The following TOX variants were observed in gnomAD, a reference collection of about 807,000 sequenced individuals.
TOX encodes the protein thymocyte selection-associated high mobility group box protein TOX.
Under a neutral mutation model 53.7 loss-of-function variants are expected in TOX, and 11 were observed. The observed-to-expected ratio is 0.20, with a 90% confidence interval of 0.13 to 0.34. The LOEUF (loss-of-function observed/expected upper bound fraction) is 0.34, where lower values mean the gene tolerates loss of function less well. Among genes scored for constraint, TOX ranks in the 10% least tolerant of loss-of-function variants. The pLI is 1.00. For missense variants in TOX, 570 were observed against 664.6 expected (o/e 0.86, Z 1.56); for synonymous variants, 225 against 245.3 (o/e 0.92, Z 0.77).
intron 1 of TOX, among the ~76,000 whole-genome samples, chr8:58,964,075 C>A (rs527255031): frequency 6.6e-6 from 1 of 151,796 alleles, no homozygotes; most frequent in East Asian, 1.9e-4. Flanking sequence ...TTAAAGAGAA[C>A]AACAACGACA....
chr8:58,923,679 C>T (rs1381292166), intron 3 of TOX, among the ~76,000 whole-genome samples: 1 of 152,082 alleles, frequency 6.6e-6, no homozygotes, highest in Non-Finnish European at 1.5e-5. Flanking sequence ...GAATACATAC[C>T]TCATTTGTTT....
rs371555518 is a variant in TOX, at chr8:59,067,081, C to T, written c.102+51805G>A. On this transcript the variant is annotated intron_variant, in intron 1 of 8. Transcript: ENST00000361421. Reference sequence around the variant, plus strand: ...AGTTGCAAGCGCCTTTTCTGCAGACCGTCTTGCTGCATCTTAATCCTACTG... The same window carrying T: ...AGTTGCAAGCGCCTTTTCTGCAGACTGTCTTGCTGCATCTTAATCCTACTG... Among the ~76,000 whole-genome samples, 6 of 152,112 alleles carry T rather than the reference C, an allele frequency of 3.9e-5. 1 individual carries two copies. Among genetic ancestry groups the T allele is most frequent in the South Asian group, 4.2e-4 (2 of 4,802 alleles).
At chr8:58,958,484 T>C (rs1297051284) in intron 2 of TOX, among the ~76,000 whole-genome samples, 1 of 152,250 alleles carries the variant, frequency 6.6e-6, no homozygotes, top group Non-Finnish European at 1.5e-5. Flanking sequence ...AAAGAGATGA[T>C]ACCAGGTTGC....
At chr8:59,085,370 TC>T (rs2129423416) in intron 1 of TOX, among the ~76,000 whole-genome samples, 2 of 150,108 alleles carry the variant, frequency 1.3e-5, no homozygotes, top group Admixed American at 1.3e-4. Context: ...CAATCTGAAA[TC>T]ATAATTTTCT....
chr8:58,888,834 T>A (rs1811514477), intron 3 of TOX, among the ~76,000 whole-genome samples: 1 of 152,076 alleles, frequency 6.6e-6, no homozygotes, highest in Admixed American at 6.6e-5. Flanking sequence ...TGCATGTCAT[T>A]GATTTAATAA....
intron 1 of TOX, among the ~76,000 whole-genome samples, chr8:58,965,894 G>GTTTTTTTTTTTTTT: frequency 2.0e-5 from 1 of 49,616 alleles, no homozygotes; most frequent in Non-Finnish European, 3.7e-5. Context: ...ACGAGTCATC[G>GTTTTTTTTTTTTTT]TTTTTTTTTT....
intron 1 of TOX, among the ~76,000 whole-genome samples, chr8:59,099,238 T>C (rs1190796765): frequency 1.3e-5 from 2 of 152,176 alleles, no homozygotes; most frequent in Non-Finnish European, 2.9e-5. Context: ...AAGCCCCTCT[T>C]TTTAGAGAAG....
At chr8:58,950,649 C>T (rs546137388) in intron 2 of TOX, among the ~76,000 whole-genome samples, 2 of 152,144 alleles carry the variant, frequency 1.3e-5, no homozygotes, top group Non-Finnish European at 2.9e-5. Flanking sequence ...TAAGAACCCT[C>T]GATGTTCAGT....
chr8:58,851,408 G>A lies in TOX; in HGVS notation c.693+116C>T. The A allele has an allele frequency of 8.5e-7, 1 of 1,180,914 alleles. No individual in the cohort carries two copies. Among genetic ancestry groups the A allele is most frequent in the Non-Finnish European group, 1.2e-6 (1 of 836,106 alleles). The allele number at this position is 1,180,914 out of a possible 1,614,324, so 73.2% of individuals were successfully genotyped here. On this transcript the variant is annotated intron_variant, in intron 4 of 8. Transcript: ENST00000361421. The surrounding 1 kb of genome is among the most constrained non-coding windows in gnomAD (Gnocchi z 4.4). ...TGTAACCTCATGCTTCATTAACAAA[G>A]CAGGTGTCTCCCTCCAATGTTTCTC...
chr8:59,107,046 T>TGGGA (rs1554547188), intron 1 of TOX, among the ~76,000 whole-genome samples: 3 of 58,206 alleles, frequency 5.2e-5, no homozygotes, highest in African/African-American at 3.0e-4. Context: ...AGCAGTTTGC[T>TGGGA]GGGGGGGGGG....
chr8:58,926,101 G>T (rs1812155299), intron 3 of TOX, among the ~76,000 whole-genome samples: 1 of 152,210 alleles, frequency 6.6e-6, no homozygotes, highest in Admixed American at 6.5e-5. Context: ...GTGCTCACAT[G>T]CTTGGACCCT....
intron 1 of TOX, among the ~76,000 whole-genome samples, chr8:59,057,077 C>T (rs897941682): frequency 2.0e-5 from 3 of 152,178 alleles, no homozygotes; most frequent in Non-Finnish European, 2.9e-5. Context: ...GCTCAGCTCA[C>T]CCAGAAAGCC....
At chr8:58,924,134 A>C (rs1812117542) in intron 3 of TOX, among the ~76,000 whole-genome samples, 1 of 152,244 alleles carries the variant, frequency 6.6e-6, no homozygotes, top group Non-Finnish European at 1.5e-5. Context: ...CAAATAGAAA[A>C]TGATATGCAG....
intron 1 of TOX, among the ~76,000 whole-genome samples, chr8:59,097,206 T>C (rs987516788): frequency 6.6e-6 from 1 of 152,132 alleles, no homozygotes; most frequent in Non-Finnish European, 1.5e-5. Flanking sequence ...CTTAACAAGT[T>C]TGTGTCTGCG....
At chr8:58,928,212 C>T (rs1310146175) in intron 3 of TOX, among the ~76,000 whole-genome samples, 3 of 152,194 alleles carry the variant, frequency 2.0e-5, no homozygotes, top group African/African-American at 2.4e-5. Flanking sequence ...TGCAGGGAAG[C>T]GCAGCTTCAG....
intron 2 of TOX, among the ~76,000 whole-genome samples, chr8:58,952,833 A>C (rs1355577598): frequency 6.6e-6 from 1 of 152,142 alleles, no homozygotes; most frequent in Non-Finnish European, 1.5e-5. Context: ...TATATTCACA[A>C]ATCCCACAGC....
intron 1 of TOX, among the ~76,000 whole-genome samples, chr8:59,094,402 C>T (rs1019499864): frequency 6.6e-6 from 1 of 151,984 alleles, no homozygotes; most frequent in Non-Finnish European, 1.5e-5. Context: ...CTCTGGGAGG[C>T]CAAGCCAGGC....
At chr8:58,956,433 T>C (rs956874493) in intron 2 of TOX, among the ~76,000 whole-genome samples, 31 of 152,188 alleles carry the variant, frequency 2.0e-4, no homozygotes, top group African/African-American at 5.3e-4. Context: ...AAGATACATT[T>C]TATTGTATAG....
At chr8:58,968,179 A>G (rs1030728532) in intron 1 of TOX, among the ~76,000 whole-genome samples, 3 of 152,232 alleles carry the variant, frequency 2.0e-5, no homozygotes, top group African/African-American at 7.2e-5. Context: ...ATTGTTTAAG[A>G]AAAGAATATG....
Sources: allele counts gnomAD v4.1 joint callset (sites outside exome capture counted in the v4.1 genomes callset), GRCh38; gene constraint gnomAD v4.1.1; non-coding constraint Gnocchi (gnomAD v3.1); transcripts MANE v1.5; gene names NCBI Gene and HGNC (gene_info 2026-07-23, HGNC 2026-07-21).